The following GNAQ variants were observed in gnomAD, a reference collection of about 807,000 sequenced individuals.
The protein encoded by GNAQ is G protein subunit alpha q, also known as guanine nucleotide-binding protein G(q) subunit alpha.
In GNAQ, 8 loss-of-function variants were observed where a neutral mutation model predicts 43.9. The ratio of observed to expected loss-of-function variants is 0.18; its 90% CI spans 0.11 to 0.33. The LOEUF is 0.33. Among genes scored for constraint, GNAQ ranks in the 10% least tolerant of loss-of-function variants. The probability of loss-of-function intolerance (pLI) is 1.00; values close to 1 mark genes in which losing one functional copy is unlikely to be tolerated. For synonymous variants in GNAQ, 155 were observed against 170.7 expected, an observed-to-expected ratio of 0.91 and a Z score of 0.71; for missense variants, 158 against 450.8, an observed-to-expected ratio of 0.35 and a Z score of 5.88.
At chr9:77,999,381 A>G (rs941063558) in intron 1 of GNAQ, among the ~76,000 whole-genome samples, 1 of 152,214 alleles carries the variant, frequency 6.6e-6, no homozygotes, top group African/African-American at 2.4e-5. Flanking sequence ...CTCTTCTGCT[A>G]AACAATCTCT....
intron 2 of GNAQ, among the ~76,000 whole-genome samples, chr9:77,824,322 G>C (rs577354404): frequency 5.2e-4 from 79 of 152,134 alleles, no homozygotes; most frequent in African/African-American, 1.7e-3. Flanking sequence ...GGTAAGCTTA[G>C]AACAAGGTCT....
intron 2 of GNAQ, among the ~76,000 whole-genome samples, chr9:77,916,300 T>C (rs1196003956): frequency 1.3e-5 from 2 of 152,258 alleles, no homozygotes; most frequent in Non-Finnish European, 2.9e-5. Flanking sequence ...GCCTCTATTA[T>C]GTATTTATTA....
At chr9:77,827,480 T>A (rs968286527) in intron 2 of GNAQ, among the ~76,000 whole-genome samples, 1 of 152,072 alleles carries the variant, frequency 6.6e-6, no homozygotes, top group Non-Finnish European at 1.5e-5. Flanking sequence ...ATATATTTAT[T>A]TTTGAAACGC....
At chr9:77,948,594 A>G (rs1822934866) in intron 1 of GNAQ, among the ~76,000 whole-genome samples, 5 of 152,180 alleles carry the variant, frequency 3.3e-5, no homozygotes, top group Admixed American at 3.3e-4. Flanking sequence ...CAGCGTCCTA[A>G]GAAGTGGGCA....
chr9:77,797,037 TTTTG>T (rs1171479092), intron 4 of GNAQ, among the ~76,000 whole-genome samples: 2 of 152,158 alleles, frequency 1.3e-5, no homozygotes, highest in Non-Finnish European at 2.9e-5. Flanking sequence ...CATCTCTCTC[TTTTG>T]TTTTTTTTTG....
chr9:77,805,530 G>A (rs1971124), intron 3 of GNAQ, among the ~76,000 whole-genome samples: 84,403 of 151,474 alleles, frequency 0.56, 25,462 homozygotes, highest in Non-Finnish European at 0.68. Context: ...TCAGCCTCCC[G>A]AGTAGCTGGG....
At chr9:77,725,216 C>A (rs2118204677) in intron 6 of GNAQ, among the ~76,000 whole-genome samples, 1 of 152,224 alleles carries the variant, frequency 6.6e-6, no homozygotes, top group South Asian at 2.1e-4. Context: ...GAACTCATTA[C>A]AGCCATCACA....
At chr9:78,004,374 C>A (rs1035533823) in intron 1 of GNAQ, among the ~76,000 whole-genome samples, 3 of 152,062 alleles carry the variant, frequency 2.0e-5, no homozygotes, top group Admixed American at 6.5e-5. Flanking sequence ...GAAGTGGGGT[C>A]TCTGGACCCA....
At chr9:77,822,625 A>T (rs1237371196) in intron 2 of GNAQ, among the ~76,000 whole-genome samples, 5 of 123,362 alleles carry the variant, frequency 4.1e-5, no homozygotes, top group South Asian at 2.3e-4. Flanking sequence ...CTTTTTGATT[A>T]AAAAAAAAAA....
intron 5 of GNAQ, among the ~76,000 whole-genome samples, chr9:77,747,840 G>C (rs1433522590): frequency 6.6e-6 from 1 of 152,186 alleles, no homozygotes; most frequent in Non-Finnish European, 1.5e-5. Context: ...CTCTGCGCTA[G>C]GTGCTTCACA....
At chr9:77,847,421 A>T (rs1827605027) in intron 2 of GNAQ, among the ~76,000 whole-genome samples, 1 of 152,166 alleles carries the variant, frequency 6.6e-6, no homozygotes, top group Non-Finnish European at 1.5e-5. Context: ...AATGGCCTGG[A>T]GGAGATGGAA....
intron 2 of GNAQ, among the ~76,000 whole-genome samples, chr9:77,886,826 C>T (rs368184662): frequency 3.3e-5 from 5 of 151,788 alleles, no homozygotes; most frequent in African/African-American, 4.8e-5. Flanking sequence ...AAATAAAATA[C>T]GCAGCCGGGC....
intron 2 of GNAQ, among the ~76,000 whole-genome samples, chr9:77,860,687 T>G (rs1456225616): frequency 6.6e-6 from 1 of 152,150 alleles, no homozygotes; most frequent in Non-Finnish European, 1.5e-5. Context: ...CGCCCGCAGC[T>G]CACTGGTCCA....
intron 6 of GNAQ, among the ~76,000 whole-genome samples, chr9:77,727,654 T>C (rs1411725096): frequency 6.6e-6 from 1 of 152,200 alleles, no homozygotes; most frequent in African/African-American, 2.4e-5. Context: ...TATTCATAAG[T>C]GTCCTACGTG....
intron 2 of GNAQ, among the ~76,000 whole-genome samples, chr9:77,908,329 C>A (rs945054281): frequency 1.3e-5 from 2 of 152,128 alleles, no homozygotes; most frequent in African/African-American, 4.8e-5. Context: ...TAAATCCTAC[C>A]AGAGGCCAGC....
At chr9:77,721,888 A>C (rs910442422) in intron 6 of GNAQ, among the ~76,000 whole-genome samples, 1 of 152,162 alleles carries the variant, frequency 6.6e-6, no homozygotes, top group Non-Finnish European at 1.5e-5. Context: ...CTATATAATA[A>C]GTGTGCACAA....
intron 2 of GNAQ, among the ~76,000 whole-genome samples, chr9:77,884,561 G>A (rs1020444912): frequency 1.3e-5 from 2 of 152,196 alleles, no homozygotes; most frequent in Non-Finnish European, 2.9e-5. Flanking sequence ...TAGCTGCAAA[G>A]CCAGAGATGC....
intron 2 of GNAQ, among the ~76,000 whole-genome samples, chr9:77,849,735 T>C (rs1009951364): frequency 3.9e-5 from 6 of 152,152 alleles, no homozygotes; most frequent in African/African-American, 7.2e-5. Context: ...GGCACAATCA[T>C]GGCTCACTGC....
At position 77,718,876 on chromosome 9, in the gene GNAQ, T is replaced by C. The variant is rs1825266725; in HGVS notation, c.*2447A>G. ...CTAGTAAAGGCCATCAGAGAGGTAA[T>C]ACTAAACTGTGCATTTGCCAAATAA... On this transcript the variant is annotated 3_prime_UTR_variant, in exon 7 of 7. Transcript: ENST00000286548. 4.3e-6 allele frequency: 1 copy of C among 232,332 alleles called. No homozygotes were observed. The highest frequency in any genetic ancestry group is 8.5e-6 in the Non-Finnish European group (1 of 117,646). The allele number at this position is 232,332 out of a possible 1,614,324, so 14.4% of individuals were successfully genotyped here. A position where few individuals can be genotyped will look rare whatever the true frequency, so the allele number is the denominator to read the frequency against.
Sources: allele counts gnomAD v4.1 joint callset (sites outside exome capture counted in the v4.1 genomes callset), GRCh38; gene constraint gnomAD v4.1.1; transcripts MANE v1.5; gene names NCBI Gene and HGNC (gene_info 2026-07-23, HGNC 2026-07-21).